Variants in ZNF813 observed in about 807,000 individuals in gnomAD.
ZNF813 encodes zinc finger protein 813.
A neutral mutation model predicts 7.2 loss-of-function variants in ZNF813; 3 were observed. The ratio of observed to expected loss-of-function variants is 0.42; its 90% CI spans 0.19 to 1.08. The LOEUF (loss-of-function observed/expected upper bound fraction) is 1.08. Ranked by LOEUF, ZNF813 falls within the 50% of genes least tolerant of loss-of-function variation. The probability of loss-of-function intolerance (pLI) is 0.30; values close to 1 mark genes in which losing one functional copy is unlikely to be tolerated. For synonymous variants in ZNF813, 227 were observed against 256.3 expected, an observed-to-expected ratio of 0.89 and a Z score of 1.09; for missense variants, 714 against 753.3, an observed-to-expected ratio of 0.95 and a Z score of 0.61.
intron 1 of ZNF813, among the ~76,000 whole-genome samples, chr19:53,470,398 T>TC (rs2147153113): frequency 7.7e-6 from 1 of 130,356 alleles, no homozygotes; most frequent in African/African-American, 3.0e-5. Flanking sequence ...GTTTTCTCCC[T>TC]TTGCTTTTTA....
At chr19:53,473,399 C>T (rs981034022) in intron 1 of ZNF813, among the ~76,000 whole-genome samples, 3 of 152,178 alleles carry the variant, frequency 2.0e-5, no homozygotes, top group Non-Finnish European at 4.4e-5. Context: ...ACTGGTCAGC[C>T]TCCAGAGTGA....
chr19:53,474,728 A>T (rs2086374601), intron 1 of ZNF813, among the ~76,000 whole-genome samples: 1 of 152,122 alleles, frequency 6.6e-6, no homozygotes, highest in Non-Finnish European at 1.5e-5. Flanking sequence ...AACGTTGCTA[A>T]TGCTGTTTTT....
intron 1 of ZNF813, among the ~76,000 whole-genome samples, chr19:53,474,646 A>ACG (rs1441731539): frequency 6.6e-6 from 1 of 151,850 alleles, no homozygotes; most frequent in East Asian, 1.9e-4. Flanking sequence ...CCAAGATTGC[A>ACG]CCACTGCACT....
intron 1 of ZNF813, among the ~76,000 whole-genome samples, chr19:53,469,350 C>T (rs2086344524): frequency 6.6e-6 from 1 of 151,984 alleles, no homozygotes; most frequent in Non-Finnish European, 1.5e-5. Flanking sequence ...GGTGTTCTTC[C>T]CTGCCCAGCT....
chr19:53,478,938 G>C (rs1471447093), intron 1 of ZNF813, among the ~76,000 whole-genome samples: 1 of 107,510 alleles, frequency 9.3e-6, no homozygotes, highest in Non-Finnish European at 2.0e-5. Context: ...TTTGTTTTTT[G>C]TTTTTTGTGT....
At position 53,492,135 on chromosome 19, in the gene ZNF813, G is replaced by A. The variant is rs1327045289; in HGVS notation, c.*49G>A. Reference sequence around the variant, plus strand: ...TACAATTCATACTGGAAAGAAACAAGTGCAATGAGTGTGGCAAGACCTTCT... The same window carrying A: ...TACAATTCATACTGGAAAGAAACAAATGCAATGAGTGTGGCAAGACCTTCT... On this transcript the variant is annotated 3_prime_UTR_variant, in exon 4 of 4. Transcript: ENST00000396403. 6.4e-7 allele frequency: 1 copy of A among 1,574,104 alleles called. No individual in the cohort carries two copies. The highest frequency in any genetic ancestry group is 8.6e-7 in the Non-Finnish European group (1 of 1,159,442).
At chr19:53,479,361 C>T (rs1208458986) in intron 1 of ZNF813, 1 of 1,590,494 alleles carries the variant, frequency 6.3e-7, no homozygotes, top group East Asian at 2.2e-5. Context: ...TGGCTGGGAT[C>T]ACCACCATCG....
chr19:53,479,255 A>G (rs1568829220), intron 1 of ZNF813: 3 of 1,301,850 alleles, frequency 2.3e-6, no homozygotes, highest in South Asian at 1.3e-5. Flanking sequence ...TTAGTTTTCA[A>G]AATTTCTCTT....
chr19:53,476,402 G>A (rs2086381929), intron 1 of ZNF813, among the ~76,000 whole-genome samples: 1 of 152,002 alleles, frequency 6.6e-6, no homozygotes, highest in South Asian at 2.1e-4. Context: ...TGGTTGGGGT[G>A]GCTGGATCAC....
At chr19:53,490,104 A>G (rs763649718) in intron 3 of ZNF813, among the ~76,000 whole-genome samples, 3 of 152,202 alleles carry the variant, frequency 2.0e-5, no homozygotes, top group Non-Finnish European at 4.4e-5. Context: ...TTACGGTCAC[A>G]GTGGAAAAAT....
rs755683369 is a variant in ZNF813, at chr19:53,491,646, T to C, written c.1414T>C (p.Cys472Arg). ...AGAGAAACGTTACAAGTGTAATGAG[T>C]GTGGCAAGACGTTCAGTCGAATTTC... ...IGEKRYKCNECGKTFSRISAL... is the reference protein window; with the variant it reads ...IGEKRYKCNERGKTFSRISAL... Residue 472 changes from cysteine to arginine, a missense_variant, in exon 4 of 4, where the codon TGT becomes CGT. Physicochemically the swap from Cys to Arg is radical, Grantham distance 180 (BLOSUM62 -3). This residue lies in a region of ZNF813 where 563 missense variants were observed against 554.2 expected (regional missense o/e 1.02). Coordinates refer to ENST00000396403, the MANE Select transcript of ZNF813 (RefSeq NM_001004301.4). 10 of 1,613,780 alleles carry C rather than the reference T, an allele frequency of 6.2e-6. No individual in the cohort carries two copies. The African/African-American group carries it at 1.2e-4, about 19-fold the overall frequency.
At chr19:53,470,845 G>A (rs1251956266) in intron 1 of ZNF813, among the ~76,000 whole-genome samples, 2 of 152,048 alleles carry the variant, frequency 1.3e-5, no homozygotes, top group Admixed American at 1.3e-4. Flanking sequence ...GTAGTCGAAA[G>A]CTAATCTATT....
At chr19:53,475,688 G>A (rs1249436427) in intron 1 of ZNF813, among the ~76,000 whole-genome samples, 1 of 152,206 alleles carries the variant, frequency 6.6e-6, no homozygotes, top group Non-Finnish European at 1.5e-5. Flanking sequence ...TAACAAGATG[G>A]TGGCAGCTAA....
At chr19:53,483,478 G>A (rs902072746) in intron 1 of ZNF813, among the ~76,000 whole-genome samples, 2 of 152,090 alleles carry the variant, frequency 1.3e-5, no homozygotes, top group South Asian at 2.1e-4. Context: ...ATGAGCCACC[G>A]CACCCAGCCT....
Position 53,492,584 on chromosome 19 carries a change from C to T in ZNF813, c.*498C>T, listed in dbSNP as rs1180564911. 1.6e-6 allele frequency: 1 copy of T among 624,022 alleles called. No homozygotes were observed. The highest frequency in any genetic ancestry group is 1.9e-5 in the African/African-American group (1 of 53,616). The allele number at this position is 624,022 out of a possible 1,614,324, so 38.7% of individuals were successfully genotyped here. A position where few individuals can be genotyped will look rare whatever the true frequency, so the allele number is the denominator to read the frequency against. Reference sequence around the variant, plus strand: ...TGGCAAAGCCTTAATGAGCAGTCAACACTTACTCACCATCAGGCAATCCAT... The same window carrying T: ...TGGCAAAGCCTTAATGAGCAGTCAATACTTACTCACCATCAGGCAATCCAT... On this transcript the variant is annotated 3_prime_UTR_variant, in exon 4 of 4. Coordinates refer to ENST00000396403, the MANE Select transcript of ZNF813 (RefSeq NM_001004301.4).
chr19:53,472,607 C>CTTTT lies in ZNF813; in HGVS notation c.-74+4821_-74+4822insTTTT, dbSNP rs200658542. On this transcript the variant is annotated intron_variant, in intron 1 of 3. Transcript: ENST00000396403. ...AGATGGTCTGATTATAAGTACAAGTCTTTCTTTTTTTTTTTTTTTTTTGAG... is the reference window on the plus strand; with the variant it reads ...AGATGGTCTGATTATAAGTACAAGTCTTTTTTTCTTTTTTTTTTTTTTTTTTGAG... 1.2e-4 allele frequency among the ~76,000 whole-genome samples: 17 copies of CTTTT among 136,486 alleles called. 1 individual carries two copies. Among genetic ancestry groups the CTTTT allele is most frequent in the Admixed American group, 3.1e-4 (4 of 12,942 alleles). The allele number at this position is 136,486 out of a possible 152,430, so 89.5% of individuals were successfully genotyped here.
intron 1 of ZNF813, among the ~76,000 whole-genome samples, 184 bp from the exon 2 acceptor site, chr19:53,483,566 G>A (rs1188852209): frequency 3.3e-5 from 5 of 152,146 alleles, no homozygotes; most frequent in Non-Finnish European, 5.9e-5. Flanking sequence ...CTGCTGCAGC[G>A]TGTGTGTGGG....
At chr19:53,472,917 AAGT>A (rs1600108323) in intron 1 of ZNF813, among the ~76,000 whole-genome samples, 1 of 152,236 alleles carries the variant, frequency 6.6e-6, no homozygotes, top group East Asian at 1.9e-4. Context: ...TGGCCTTTAT[AAGT>A]ACAAGTTCTT....
intron 1 of ZNF813, among the ~76,000 whole-genome samples, chr19:53,468,724 A>C (rs1403852342): frequency 1.3e-5 from 2 of 152,194 alleles, no homozygotes; most frequent in Admixed American, 6.5e-5. Context: ...TATTGCTGCC[A>C]GCATATCTCG....
Sources: allele counts gnomAD v4.1 joint callset (sites outside exome capture counted in the v4.1 genomes callset), GRCh38; gene constraint gnomAD v4.1.1; regional missense constraint gnomAD v4.1.1; transcripts MANE v1.5; gene names NCBI Gene and HGNC (gene_info 2026-07-23, HGNC 2026-07-21).